Variants in ABCC5 observed in about 807,000 individuals in gnomAD.
ABCC5 encodes the protein ATP binding cassette subfamily C member 5.
ABCC5 carries 61 observed loss-of-function variants against 160.9 expected under a neutral mutation model. The ratio of observed to expected loss-of-function variants is 0.38; its 90% CI spans 0.31 to 0.47. The LOEUF (loss-of-function observed/expected upper bound fraction) is 0.47, where lower values mean the gene tolerates loss of function less well. Among genes scored for constraint, ABCC5 ranks in the 20% least tolerant of loss-of-function variants. The pLI, the probability that ABCC5 is intolerant of heterozygous loss-of-function variation, is 0.99. For missense variants in ABCC5, 1,308 were observed against 1,813.3 expected (o/e 0.72, Z 5.06); for synonymous variants, 666 against 700.6 (o/e 0.95, Z 0.78).
intron 14 of ABCC5, 141 bp downstream of exon 14, chr3:183,965,044 C>T (rs945510913): frequency 1.3e-6 from 1 of 765,192 alleles, no homozygotes; most frequent in Non-Finnish European, 2.1e-6. Context: ...TGGACACATG[C>T]TTTCCTAACA....
chr3:184,007,123 C>T (rs561989435), intron 2 of ABCC5, among the ~76,000 whole-genome samples: 5 of 144,988 alleles, frequency 3.4e-5, no homozygotes, highest in Admixed American at 7.2e-5. Context: ...CGGGTTCAAG[C>T]GATTCTCCTG....
intron 2 of ABCC5, among the ~76,000 whole-genome samples, chr3:183,999,846 A>G (rs1720600644): frequency 2.0e-5 from 3 of 152,064 alleles, no homozygotes; most frequent in African/African-American, 7.2e-5. Flanking sequence ...TCCAGGTTTC[A>G]TATCATACAT....
chr3:183,947,326 G>A lies in ABCC5; in HGVS notation c.3412C>T (p.Gln1138Ter), dbSNP rs1337964646. Reference protein sequence around the residue: ...YAGLAISYAVQLTGLFQFTVR... With the variant: ...YAGLAISYAV ...ACGCTCCTATCCCAGAGACTGACCT[G>A]GACAGCATAAGAGATGGCGAGACCC... Residue 1138 changes from glutamine (Q) to a stop codon, truncating the protein, a stop_gained and splice_region_variant, in exon 23 of 30, where the codon CAG becomes TAG. Coordinates refer to ENST00000334444, the MANE Select transcript of ABCC5 (RefSeq NM_005688.4). LOFTEE classifies it high-confidence loss of function. 6.2e-7 allele frequency: 1 copy of A among 1,604,622 alleles called. No individual in the cohort carries two copies. Among genetic ancestry groups the A allele is most frequent in the South Asian group, 1.1e-5 (1 of 90,130 alleles).
At chr3:183,973,715 G>A (rs992566070) in intron 10 of ABCC5, among the ~76,000 whole-genome samples, 2 of 152,120 alleles carry the variant, frequency 1.3e-5, no homozygotes, top group Non-Finnish European at 2.9e-5. Flanking sequence ...GTAACCTTAG[G>A]TGTGGCCCCC....
At chr3:183,977,757 A>ATT (rs200446876) in intron 9 of ABCC5, 133 bp from the exon 10 acceptor site, 527 of 487,812 alleles carry the variant, frequency 1.1e-3, no homozygotes, top group Middle Eastern at 1.9e-3. Context: ...AGTCAATTAC[A>ATT]TTTTTTTTTT....
chr3:183,985,442 C>T (rs1379527629), intron 5 of ABCC5: 1 of 1,361,850 alleles, frequency 7.3e-7, no homozygotes, highest in South Asian at 1.2e-5. Flanking sequence ...CAGATCCTGA[C>T]AGCACCAAGC....
chr3:184,003,887 C>T (rs1293802170), intron 2 of ABCC5, among the ~76,000 whole-genome samples: 1 of 152,114 alleles, frequency 6.6e-6, no homozygotes, highest in African/African-American at 2.4e-5. Context: ...AAATGAATCA[C>T]AGGGGTAAAA....
chr3:184,005,516 A>G (rs1357368363), intron 2 of ABCC5, among the ~76,000 whole-genome samples: 2 of 152,218 alleles, frequency 1.3e-5, no homozygotes, highest in East Asian at 3.9e-4. Flanking sequence ...TTAGTCTGTG[A>G]GTTTAATAAT....
At chr3:183,967,436 T>G (rs58248534) in intron 12 of ABCC5, 1 of 439,176 alleles carries the variant, frequency 2.3e-6, no homozygotes. Context: ...ACATGCTGAA[T>G]GAAAGAAGGC....
At chr3:183,981,229 G>A (rs1718714591) in intron 8 of ABCC5, among the ~76,000 whole-genome samples, 1 of 152,126 alleles carries the variant, frequency 6.6e-6, no homozygotes, top group African/African-American at 2.4e-5. Flanking sequence ...CCCCATCTGT[G>A]CCATTTCTCC....
chr3:183,971,681 T>C lies in ABCC5; in HGVS notation c.1643A>G (p.His548Arg), dbSNP rs1189000879. ...HQAVLAEQKG[H>R]LLLDSDERPS... The stretch of plus-strand genomic sequence containing the variant: ...CCGCTCGTCACTGTCCAGGAGGAGG[T>C]GGCCTTTCTGCTCTGCCAGCACCGC... The change falls in exon 11 of 30, where the codon CAC becomes CGC. Residue 548 changes from histidine (H) to arginine (R), a missense_variant. His to Arg is a conservative substitution (Grantham distance 29). Around this residue, in one of 3 missense-constraint regions of ABCC5, gnomAD observed 1,142 missense variants for 1,527.1 expected, o/e 0.75. Transcript: ENST00000334444. 6.2e-7 allele frequency: 1 copy of C among 1,614,066 alleles called. No individual in the cohort carries two copies. The highest frequency in any genetic ancestry group is 8.5e-7 in the Non-Finnish European group (1 of 1,179,998).
intron 2 of ABCC5, chr3:184,011,133 T>A (rs1164996109): frequency 1.3e-5 from 2 of 152,210 alleles, no homozygotes; most frequent in African/African-American, 4.8e-5. Context: ...CCCCAATGCC[T>A]CCCTATCTTC....
intron 12 of ABCC5, among the ~76,000 whole-genome samples, chr3:183,967,009 G>GC (rs1370203975): frequency 9.0e-4 from 129 of 143,362 alleles, no homozygotes; most frequent in Non-Finnish European, 1.7e-3. Context: ...TGGGCACCTT[G>GC]TTTTTTTTTT....
chr3:184,009,976 C>A, intron 2 of ABCC5: 1 of 431,116 alleles, frequency 2.3e-6, no homozygotes. Context: ...GTGAGAGTGC[C>A]TCTACAAAAA....
intron 25 of ABCC5, chr3:183,942,517 T>G (rs1426468755): frequency 2.9e-6 from 2 of 700,212 alleles, no homozygotes; most frequent in Non-Finnish European, 5.1e-6. Context: ...CCCAGTGTTC[T>G]GCATTGAGAA....
rs561226054 is a variant in ABCC5 at position 183,987,496 on chromosome 3, C to A, written c.591+274G>T. ...CCGACTGTCAGTTCATGTTAACACA[C>A]AACCGAGAAGCACAGTCCTGTGCAG... On this transcript the variant is annotated intron_variant, in intron 5 of 29. Coordinates refer to ENST00000334444, the MANE Select transcript of ABCC5 (RefSeq NM_005688.4). This position sits in a 1 kb window ranked among gnomAD's most constrained non-coding sequence, Gnocchi z 4.2. The A allele has an allele frequency of 3.3e-6, 2 of 604,110 alleles. No individual in the cohort carries two copies. Among genetic ancestry groups the A allele is most frequent in the African/African-American group, 1.9e-5 (1 of 53,966 alleles). 37.4% of individuals were successfully genotyped at this position (604,110 alleles called of 1,614,324 possible).
intron 15 of ABCC5, among the ~76,000 whole-genome samples, chr3:183,962,532 CT>C (rs372339240): frequency 2.0e-3 from 265 of 132,930 alleles, no homozygotes; most frequent in South Asian, 3.2e-3. Flanking sequence ...CAGTTTTTTT[CT>C]TTTTTTTTTT....
chr3:183,983,563 C>T (rs1217340274), intron 5 of ABCC5: 4 of 184,156 alleles, frequency 2.2e-5, no homozygotes, highest in Non-Finnish European at 3.1e-5. Flanking sequence ...CCCATGGGCC[C>T]GCCCCACTCC....
chr3:183,950,343 T>C (rs1715229695), intron 20 of ABCC5, among the ~76,000 whole-genome samples: 1 of 152,114 alleles, frequency 6.6e-6, no homozygotes, highest in Admixed American at 6.5e-5. Flanking sequence ...CTTGGTTCCC[T>C]TCCTGCCCCA....
Sources: gnomAD v4.1 joint callset for allele counts (sites outside exome capture counted in the v4.1 genomes callset) on GRCh38, gnomAD v4.1.1 for gene constraint, gnomAD v4.1.1 regional missense constraint, Gnocchi (gnomAD v3.1) non-coding constraint, MANE v1.5 for transcripts, NCBI Gene and HGNC (gene_info 2026-07-23, HGNC 2026-07-21) for gene names.